KIAA1210: variants seen among roughly 807,000 people sequenced by gnomAD.
KIAA1210 encodes the protein KIAA1210, also known as acrosomal protein KIAA1210.
Under a neutral mutation model 78.9 loss-of-function variants are expected in KIAA1210, and 48 were observed. The observed-to-expected ratio is 0.61, with a 90% CI of 0.48 to 0.77. The LOEUF is 0.77. KIAA1210 is among the 30% of genes least tolerant of loss of function. The probability of loss-of-function intolerance (pLI) is 0.00; values close to 1 mark genes in which losing one functional copy is unlikely to be tolerated. For missense variants in KIAA1210, 1,108 were observed against 1,100.0 expected (o/e 1.01, Z -0.10); for synonymous variants, 406 against 404.5 (o/e 1.00, Z -0.04).
intron 2 of KIAA1210, among the ~76,000 whole-genome samples, chrX:119,143,998 G>A (rs901722835): frequency 1.8e-5 from 2 of 112,489 alleles, no homozygotes; most frequent in Middle Eastern, 4.6e-3. Context: ...TTCCACGTGT[G>A]TACATATGTA....
intron 5 of KIAA1210, among the ~76,000 whole-genome samples, chrX:119,107,179 G>A (rs1260432682): frequency 8.9e-6 from 1 of 112,950 alleles, no homozygotes; most frequent in Admixed American, 9.3e-5. Context: ...ATAGGCCCAA[G>A]CCAAACATTT....
chrX:119,096,298 G>A (rs1177914804), intron 7 of KIAA1210, among the ~76,000 whole-genome samples, 196 bp downstream of exon 7: 2 of 112,210 alleles, frequency 1.8e-5, no homozygotes, highest in Non-Finnish European at 3.8e-5. Context: ...ACATGGATAG[G>A]AAACCACACC....
In KIAA1210 at chrX:119,079,550, G is replaced by A. The variant is rs1926874538; in HGVS notation, c.*1779C>T. On this transcript the variant is annotated 3_prime_UTR_variant, in exon 12 of 12. Coordinates refer to ENST00000691062, the MANE Select transcript of KIAA1210 (RefSeq NM_001394962.1). ...AGCCAATTAAGGAACTGGCTCTGGG[G>A]GTAAAGGTGCCTACATCTTCATCCT... 1 of 111,765 alleles carries A rather than the reference G, an allele frequency of 8.9e-6. No individual in the cohort carries two copies. Among genetic ancestry groups the A allele is most frequent in the South Asian group, 3.8e-4 (1 of 2,658 alleles). The allele number at this position is 111,765 out of a possible 1,213,427, so 9.2% of individuals were successfully genotyped here.
chrX:119,088,171 C>G lies in KIAA1210; in HGVS notation c.2531G>C (p.Arg844Thr), dbSNP rs1455945759. ...ATCTGTCAAGGACTGAGGAGAATAT[C>G]TGGGGAGTAGTGGCTCCACAGAAAT... The part of the protein sequence containing the change: ...RVISVEPLLP[R>T]YSPQSLTDPQ... Residue 844 changes from arginine (R) to threonine (T), a missense_variant, in exon 9 of 12, where the codon AGA becomes ACA. Arg to Thr is a moderately conservative substitution (Grantham distance 71, BLOSUM62 -1). Coordinates refer to ENST00000691062, the MANE Select transcript of KIAA1210 (RefSeq NM_001394962.1). The G allele has an allele frequency of 4.1e-6, 5 of 1,209,760 alleles. No homozygotes were observed. The highest frequency in any genetic ancestry group is 1.7e-5 in the African/African-American group (1 of 57,184).
chrX:119,119,884 G>C (rs1325402652), intron 2 of KIAA1210, among the ~76,000 whole-genome samples: 1 of 107,622 alleles, frequency 9.3e-6, no homozygotes, highest in Non-Finnish European at 1.9e-5. Context: ...GCTGAGGCAG[G>C]AGAATGGCAC....
intron 2 of KIAA1210, among the ~76,000 whole-genome samples, chrX:119,142,397 G>T (rs1929067739): frequency 8.9e-6 from 1 of 111,938 alleles, no homozygotes; most frequent in African/African-American, 3.2e-5. Flanking sequence ...GCCTGTACAA[G>T]ACTACCAGCA....
intron 6 of KIAA1210, among the ~76,000 whole-genome samples, chrX:119,101,634 A>T (rs972607988): frequency 4.5e-5 from 5 of 111,427 alleles, no homozygotes; most frequent in African/African-American, 1.6e-4. Flanking sequence ...CATTCCTGAG[A>T]GTTCCTGCAC....
At chrX:119,136,748 C>T (rs1468861473) in intron 2 of KIAA1210, among the ~76,000 whole-genome samples, 3 of 112,274 alleles carry the variant, frequency 2.7e-5, no homozygotes, top group Admixed American at 9.4e-5. Context: ...GATCACTGGA[C>T]ATTCTCAGTC....
chrX:119,113,773 C>A (rs147858452), intron 3 of KIAA1210, among the ~76,000 whole-genome samples: 1 of 110,626 alleles, frequency 9.0e-6, no homozygotes, highest in African/African-American at 3.3e-5. Flanking sequence ...AGATTAGACA[C>A]GAAAAAATAA....
At chrX:119,085,301 G>A in intron 10 of KIAA1210, 82 bp downstream of exon 10, 3 of 938,120 alleles carry the variant, frequency 3.2e-6, no homozygotes, top group Middle Eastern at 2.8e-4. Flanking sequence ...GGAGCTGCAT[G>A]TTGGCAAAGT....
At chrX:119,146,779 C>T (rs1358855751) in intron 2 of KIAA1210, among the ~76,000 whole-genome samples, 1 of 111,147 alleles carries the variant, frequency 9.0e-6, no homozygotes, top group East Asian at 2.8e-4. Flanking sequence ...TCTCCTATCG[C>T]TCTCATGAAT....
In KIAA1210 at chrX:119,087,479, T is replaced by G. The variant is rs143066304; in HGVS notation, c.3223A>C (p.Ile1075Leu). ...DSGSANPKGG[I>L]SSKMLPMKHP... ...TTCATAGGTAGCATCTTTGAAGAAA[T>G]GCCTCCCTTAGGATTAGCACTCCCT... Residue 1075 changes from isoleucine to leucine, a missense_variant, in exon 9 of 12, where the codon ATT becomes CTT. This residue lies in a region of KIAA1210 where 179 missense variants were observed against 174.1 expected (regional missense o/e 1.03). Coordinates refer to ENST00000691062, the MANE Select transcript of KIAA1210 (RefSeq NM_001394962.1). The G allele has an allele frequency of 1.3e-4, 158 of 1,208,306 alleles. No homozygotes were observed. The highest frequency in any genetic ancestry group is 1.7e-4 in the Non-Finnish European group (150 of 894,557).
At chrX:119,136,505 G>A (rs755476568) in intron 2 of KIAA1210, among the ~76,000 whole-genome samples, 1 of 111,130 alleles carries the variant, frequency 9.0e-6, no homozygotes, top group South Asian at 3.9e-4. Flanking sequence ...TGATGTCTTT[G>A]TCCCCAGAGG....
chrX:119,146,185 G>C (rs1929162982), intron 2 of KIAA1210, among the ~76,000 whole-genome samples: 1 of 112,010 alleles, frequency 8.9e-6, no homozygotes, highest in Non-Finnish European at 1.9e-5. Flanking sequence ...AAAGAAGCTA[G>C]TGCACAAAAA....
chrX:119,092,346 C>T (rs183143998), intron 8 of KIAA1210, among the ~76,000 whole-genome samples: 1 of 112,095 alleles, frequency 8.9e-6, no homozygotes, highest in South Asian at 3.7e-4. Flanking sequence ...GCATACAGCG[C>T]TGATAATAGC....
chrX:119,097,193 C>T (rs1022660710), intron 6 of KIAA1210, among the ~76,000 whole-genome samples: 1 of 111,379 alleles, frequency 9.0e-6, no homozygotes, highest in African/African-American at 3.3e-5. Flanking sequence ...AGCACACTAC[C>T]TTTTATTTAT....
chrX:119,141,791 T>C (rs763644944), intron 2 of KIAA1210, among the ~76,000 whole-genome samples: 1 of 112,046 alleles, frequency 8.9e-6, no homozygotes, highest in Non-Finnish European at 1.9e-5. Flanking sequence ...TATAATCCCT[T>C]CATGCCTCAG....
chrX:119,098,604 C>CAAAA (rs747325732), intron 6 of KIAA1210, among the ~76,000 whole-genome samples: 2 of 39,828 alleles, frequency 5.0e-5, no homozygotes, highest in Admixed American at 2.8e-4. Context: ...GAGACTCCGT[C>CAAAA]AAAAAAAAAA....
intron 2 of KIAA1210, among the ~76,000 whole-genome samples, chrX:119,117,492 AT>A (rs1171192714): frequency 9.0e-6 from 1 of 110,717 alleles, no homozygotes; most frequent in Non-Finnish European, 1.9e-5. Flanking sequence ...AGTTTGCTCT[AT>A]CTATAATAAT....
Sources: gnomAD v4.1 joint callset for allele counts (sites outside exome capture counted in the v4.1 genomes callset) on GRCh38, gnomAD v4.1.1 for gene constraint, gnomAD v4.1.1 regional missense constraint, MANE v1.5 for transcripts, NCBI Gene and HGNC (gene_info 2026-07-23, HGNC 2026-07-21) for gene names.